KCNH8: variants seen among roughly 807,000 people sequenced by gnomAD.
KCNH8 encodes the protein voltage-gated delayed rectifier potassium channel KCNH8.
Under a neutral mutation model 103.6 loss-of-function variants are expected in KCNH8, and 70 were observed. That is an observed-to-expected ratio of 0.68 (90% CI 0.56 to 0.82). The LOEUF (loss-of-function observed/expected upper bound fraction) is 0.82, where lower values mean the gene tolerates loss of function less well. Ranked by LOEUF, KCNH8 falls within the 40% of genes least tolerant of loss-of-function variation. The pLI is 0.00. For missense variants in KCNH8, 1,217 were observed against 1,329.9 expected (o/e 0.92, Z 1.32); for synonymous variants, 498 against 489.4 (o/e 1.02, Z -0.23).
intron 5 of KCNH8, among the ~76,000 whole-genome samples, chr3:19,350,808 A>T (rs2065790470): frequency 6.6e-6 from 1 of 152,142 alleles, no homozygotes; most frequent in Admixed American, 6.5e-5. Flanking sequence ...AAATTCTAAA[A>T]ATCAGAGCAC....
At chr3:19,459,355 T>C (rs1040903049) in intron 11 of KCNH8, among the ~76,000 whole-genome samples, 40 of 152,062 alleles carry the variant, frequency 2.6e-4, no homozygotes, top group African/African-American at 8.9e-4. Flanking sequence ...TATTTTCATA[T>C]AACTGTTGGC....
chr3:19,180,158 G>A (rs1335026249), intron 1 of KCNH8, among the ~76,000 whole-genome samples: 1 of 152,112 alleles, frequency 6.6e-6, no homozygotes, highest in Admixed American at 6.5e-5. Context: ...AGCCTAGAAT[G>A]TATTATAAAA....
intron 10 of KCNH8, among the ~76,000 whole-genome samples, chr3:19,453,575 A>T (rs114675857): frequency 0.011 from 1,721 of 152,176 alleles, 43 homozygotes; most frequent in African/African-American, 0.039. Flanking sequence ...CCCAAAATTG[A>T]TATGTCAAAA....
At chr3:19,493,201 G>C (rs2068364767) in intron 11 of KCNH8, among the ~76,000 whole-genome samples, 1 of 151,914 alleles carries the variant, frequency 6.6e-6, no homozygotes, top group Non-Finnish European at 1.5e-5. Context: ...TTCCTATTTG[G>C]ATGCCTTTTG....
At chr3:19,354,712 C>T (rs536012458) in intron 5 of KCNH8, among the ~76,000 whole-genome samples, 54 of 152,220 alleles carry the variant, frequency 3.5e-4, no homozygotes, top group African/African-American at 1.2e-3. Context: ...CTTCCTTACA[C>T]CTTATACAAA....
intron 1 of KCNH8, among the ~76,000 whole-genome samples, chr3:19,216,632 C>A (rs1277329594): frequency 1.3e-5 from 2 of 152,112 alleles, no homozygotes; most frequent in African/African-American, 4.8e-5. Context: ...TCCTTGCCAC[C>A]TTTATTTATG....
At chr3:19,290,011 G>A (rs1409497676) in intron 3 of KCNH8, among the ~76,000 whole-genome samples, 1 of 152,116 alleles carries the variant, frequency 6.6e-6, no homozygotes, top group African/African-American at 2.4e-5. Flanking sequence ...TGAAGCAATT[G>A]TGAATGGGAG....
At chr3:19,527,745 G>T (rs1225762998) in intron 15 of KCNH8, among the ~76,000 whole-genome samples, 4 of 152,108 alleles carry the variant, frequency 2.6e-5, no homozygotes, top group East Asian at 1.9e-4. Context: ...TGGCAAGTCA[G>T]TTGTCACATA....
At chr3:19,303,316 C>T (rs1490223499) in intron 3 of KCNH8, among the ~76,000 whole-genome samples, 1 of 152,042 alleles carries the variant, frequency 6.6e-6, no homozygotes, top group East Asian at 1.9e-4. Flanking sequence ...CATAAACCCA[C>T]AGGTTAAAAA....
At chr3:19,449,772 A>T (rs968600605) in intron 8 of KCNH8, among the ~76,000 whole-genome samples, 1 of 152,170 alleles carries the variant, frequency 6.6e-6, no homozygotes, top group African/African-American at 2.4e-5. Flanking sequence ...AAAATAATAT[A>T]GATGTAAATT....
chr3:19,499,205 A>C (rs2068519075), intron 11 of KCNH8, among the ~76,000 whole-genome samples: 1 of 152,194 alleles, frequency 6.6e-6, no homozygotes, highest in South Asian at 2.1e-4. Flanking sequence ...AGAAGATGAA[A>C]TGAATGAAAT....
At chr3:19,395,677 C>T (rs2066505670) in intron 7 of KCNH8, among the ~76,000 whole-genome samples, 1 of 151,934 alleles carries the variant, frequency 6.6e-6, no homozygotes, top group Non-Finnish European at 1.5e-5. Context: ...ACTACGATAA[C>T]TTAACTAATA....
chr3:19,419,800 C>T (rs2066923873), intron 7 of KCNH8, among the ~76,000 whole-genome samples: 1 of 151,610 alleles, frequency 6.6e-6, no homozygotes, highest in Non-Finnish European at 1.5e-5. Context: ...AATGGGATAC[C>T]AGAAGGTTCA....
At chr3:19,417,169 A>G (rs190856211) in intron 7 of KCNH8, among the ~76,000 whole-genome samples, 75 of 148,732 alleles carry the variant, frequency 5.0e-4, no homozygotes, top group Middle Eastern at 3.6e-3. Flanking sequence ...ATAATCTAAT[A>G]TATATTAAAT....
chr3:19,273,961 G>A (rs139678590), intron 2 of KCNH8, among the ~76,000 whole-genome samples: 3 of 152,104 alleles, frequency 2.0e-5, no homozygotes, highest in African/African-American at 7.2e-5. Flanking sequence ...TTATAAAAAG[G>A]CTTTACTGCA....
chr3:19,320,289 G>T (rs186244416), intron 3 of KCNH8, among the ~76,000 whole-genome samples: 6 of 152,152 alleles, frequency 3.9e-5, no homozygotes, highest in African/African-American at 1.4e-4. Flanking sequence ...AATATTGGCT[G>T]TGGGTTTCTC....
At chr3:19,524,328 T>C (rs760859678) in intron 15 of KCNH8, among the ~76,000 whole-genome samples, 1 of 151,960 alleles carries the variant, frequency 6.6e-6, no homozygotes, top group Non-Finnish European at 1.5e-5. Context: ...ATTCACTTTT[T>C]GACCTAGAAC....
At chr3:19,159,340 G>A (rs1162495049) in intron 1 of KCNH8, among the ~76,000 whole-genome samples, 3 of 151,450 alleles carry the variant, frequency 2.0e-5, no homozygotes, top group Non-Finnish European at 4.4e-5. Context: ...ATAATATAGT[G>A]TATATATAGT....
At chr3:19,326,300 A>G (rs1244047186) in intron 3 of KCNH8, among the ~76,000 whole-genome samples, 1 of 150,818 alleles carries the variant, frequency 6.6e-6, no homozygotes, top group Non-Finnish European at 1.5e-5. Context: ...CTGCCATGAC[A>G]CATTTACCTA....
Sources: allele counts gnomAD v4.1 joint callset (sites outside exome capture counted in the v4.1 genomes callset), GRCh38; gene constraint gnomAD v4.1.1; transcripts MANE v1.5; gene names NCBI Gene and HGNC (gene_info 2026-07-23, HGNC 2026-07-21).